PEX26: variants seen among roughly 807,000 people sequenced by gnomAD.
PEX26 encodes peroxisomal biogenesis factor 26.
A neutral mutation model predicts 31.4 loss-of-function variants in PEX26; 18 were observed. That is an observed-to-expected ratio of 0.57 (90% CI 0.40 to 0.85). The LOEUF (loss-of-function observed/expected upper bound fraction) is 0.85. Among genes scored for constraint, PEX26 ranks in the 40% least tolerant of loss-of-function variants. The pLI is 0.00. For synonymous variants in PEX26, 176 were observed against 166.9 expected, an observed-to-expected ratio of 1.05 and a Z score of -0.42; for missense variants, 377 against 383.9, an observed-to-expected ratio of 0.98 and a Z score of 0.15.
Position 18,105,027 on chromosome 22 carries a change from T to A in PEX26, c.*16952T>A, listed in dbSNP as rs1378546195. 4 of 152,320 alleles carry A rather than the reference T, an allele frequency of 2.6e-5. No homozygotes were observed. Among genetic ancestry groups the A allele is most frequent in the African/African-American group, 7.2e-5 (3 of 41,586 alleles). 9.4% of individuals were successfully genotyped at this position (152,320 alleles called of 1,614,324 possible). A position where few individuals can be genotyped will look rare whatever the true frequency, so the allele number is the denominator to read the frequency against. Reference sequence around the variant, plus strand: ...ATCTAGATAATCTAATGGTAAGATATCGTTTGCTCTCTGGACTTCATGGGC... The same window carrying A: ...ATCTAGATAATCTAATGGTAAGATAACGTTTGCTCTCTGGACTTCATGGGC... On this transcript the variant is annotated 3_prime_UTR_variant, in exon 5 of 5. Coordinates refer to ENST00000399744, the MANE Select transcript of PEX26 (RefSeq NM_001127649.3).
chr22:18,085,336 G>A, intron 4 of PEX26, 78 bp downstream of exon 4: 1 of 1,448,886 alleles, frequency 6.9e-7, no homozygotes. Flanking sequence ...GTGGGTGTTT[G>A]TCAGAGTCCT....
rs765617206 is a variant in PEX26, at chr22:18,079,938, T to A, written c.295T>A (p.Trp99Arg). ...GIQALAEMDR[W>R]QEVLSWVLQY... is the part of the protein sequence containing the mutation. ...CCAGGCCCTGGCAGAAATGGATCGG[T>A]GGCAAGAAGTCCTCTCCTGGGTCCT... The change falls in exon 2 of 5, where the codon TGG becomes AGG. Residue 99 changes from tryptophan to arginine, a missense_variant. Transcript: ENST00000399744. 2.5e-6 allele frequency: 4 copies of A among 1,613,994 alleles called. No homozygotes were observed. In the African/African-American group the frequency reaches 4.0e-5, roughly 16 times the overall value.
Position 18,088,288 on chromosome 22 carries a change from A to T in PEX26, c.*213A>T. ...TGGAAACAAAGCAGGACCAGCAGGC[A>T]CAGCACCTCCAGAACAGTGCCCCGG... On this transcript the variant is annotated 3_prime_UTR_variant, in exon 5 of 5. Transcript: ENST00000399744. The surrounding 1 kb of genome is among the most constrained non-coding windows in gnomAD (Gnocchi z 4.1). The T allele has an allele frequency of 1.5e-6, 1 of 682,844 alleles. No individual in the cohort carries two copies. Among genetic ancestry groups the T allele is most frequent in the East Asian group, 2.8e-5 (1 of 36,158 alleles). The allele number at this position is 682,844 out of a possible 1,614,324, so 42.3% of individuals were successfully genotyped here.
rs1250803918 is a variant in PEX26, at chr22:18,094,125, A to T, written c.*6050A>T. 1 of 152,228 alleles carries T rather than the reference A, an allele frequency of 6.6e-6. No individual in the cohort carries two copies. The highest frequency in any genetic ancestry group is 1.5e-5 in the Non-Finnish European group (1 of 68,048). 9.4% of individuals were successfully genotyped at this position (152,228 alleles called of 1,614,324 possible). A position where few individuals can be genotyped will look rare whatever the true frequency, so the allele number is the denominator to read the frequency against. ...AGCATCCTCTTGTCACTTTTGTACT[A>T]TCCAAGGTGGGACGGACAGGTGTCA... On this transcript the variant is annotated 3_prime_UTR_variant, in exon 5 of 5. Transcript: ENST00000399744.
rs1374117479 is a variant in PEX26 at position 18,091,891 on chromosome 22, G to A, written c.*3816G>A. The A allele has an allele frequency of 1.3e-5, 2 of 152,304 alleles. No individual in the cohort carries two copies. The highest frequency in any genetic ancestry group is 2.9e-5 in the Non-Finnish European group (2 of 68,130). The allele number at this position is 152,304 out of a possible 1,614,324, so 9.4% of individuals were successfully genotyped here. A position where few individuals can be genotyped will look rare whatever the true frequency, so the allele number is the denominator to read the frequency against. On this transcript the variant is annotated 3_prime_UTR_variant, in exon 5 of 5. Coordinates refer to ENST00000399744, the MANE Select transcript of PEX26 (RefSeq NM_001127649.3). The stretch of plus-strand genomic sequence containing the variant: ...TTTTGGGCAAACGCAAGCCAGGCTG[G>A]CAACCACCACTGCCGCCGAGGGGAG...
In PEX26 at chr22:18,099,982, T is replaced by G. The variant is rs926397970; in HGVS notation, c.*11907T>G. 1.3e-5 allele frequency: 2 copies of G among 152,216 alleles called. No homozygotes were observed. Among genetic ancestry groups the G allele is most frequent in the Admixed American group, 1.3e-4 (2 of 15,276 alleles). 9.4% of individuals were successfully genotyped at this position (152,216 alleles called of 1,614,324 possible). On this transcript the variant is annotated 3_prime_UTR_variant, in exon 5 of 5. Coordinates refer to ENST00000399744, the MANE Select transcript of PEX26 (RefSeq NM_001127649.3). ...CATTCTGAGATTTTAGGCAAACATA[T>G]CTTTGGGGGGCCAAAATTCAATCCC...
In PEX26 at chr22:18,088,087, C is replaced by T; in HGVS notation, c.*12C>T. 2 of 1,540,548 alleles carry T rather than the reference C, an allele frequency of 1.3e-6. No homozygotes were observed. Among genetic ancestry groups the T allele is most frequent in the Non-Finnish European group, 1.8e-6 (2 of 1,114,796 alleles). On this transcript the variant is annotated 3_prime_UTR_variant, in exon 5 of 5. Transcript: ENST00000399744. This position sits in a 1 kb window ranked among gnomAD's most constrained non-coding sequence, Gnocchi z 4.1. Reference sequence around the variant, plus strand: ...GCATCCGTGACTGAGGGTCCCTGCGCACCACAGCCTCTCTGCTCCTCACGT... The same window carrying T: ...GCATCCGTGACTGAGGGTCCCTGCGTACCACAGCCTCTCTGCTCCTCACGT...
At chr22:18,079,723 G>T in intron 1 of PEX26, 151 bp from the exon 2 acceptor site, 1 of 895,412 alleles carries the variant, frequency 1.1e-6, no homozygotes, top group East Asian at 2.4e-5. Context: ...CAGCCCATGA[G>T]ACCAATTGTG....
Position 18,088,048 on chromosome 22 carries a change from C to T in PEX26, c.891C>T (p.Arg297=). Residue 297 remains arginine, a synonymous_variant, in exon 5 of 5, where the codon CGC becomes CGT. Coordinates refer to ENST00000399744, the MANE Select transcript of PEX26 (RefSeq NM_001127649.3). This position sits in a 1 kb window ranked among gnomAD's most constrained non-coding sequence, Gnocchi z 4.1. The part of the protein sequence containing the change: ...FRWIRKAAFS[R]LYQLRIRD ...GGATCCGGAAGGCTGCATTTTCTCG[C>T]CTCTACCAGCTCCGCATCCGTGACT... 6.2e-7 allele frequency: 1 copy of T among 1,612,690 alleles called. No individual in the cohort carries two copies. The highest frequency in any genetic ancestry group is 8.5e-7 in the Non-Finnish European group (1 of 1,179,176).
rs564557703 is a variant in PEX26, at chr22:18,078,001, G to C, written c.-376G>C. 2.2e-6 allele frequency: 1 copy of C among 446,798 alleles called. No homozygotes were observed. The highest frequency in any genetic ancestry group is 1.6e-5 in the South Asian group (1 of 61,100). 27.7% of individuals were successfully genotyped at this position (446,798 alleles called of 1,614,324 possible). The stretch of plus-strand genomic sequence containing the variant: ...GCCGCCGGGACGCCGCGCGGCTGCG[G>C]GGCTGGGCGAGCGCAAAGATGTCCG... On this transcript the variant is annotated 5_prime_UTR_variant, in exon 1 of 5. Coordinates refer to ENST00000399744, the MANE Select transcript of PEX26 (RefSeq NM_001127649.3).
At chr22:18,085,384 A>T in intron 4 of PEX26, 126 bp downstream of exon 4, 2 of 988,322 alleles carry the variant, frequency 2.0e-6, no homozygotes, top group South Asian at 2.7e-5. Context: ...ATTTCCCCTG[A>T]GTCTGTTCCA....
chr22:18,084,309 A>G (rs1360237801), intron 3 of PEX26, among the ~76,000 whole-genome samples: 1 of 139,656 alleles, frequency 7.2e-6, no homozygotes, highest in African/African-American at 2.7e-5. Context: ...CAGTGATGCG[A>G]TCTCCGCTCA....
chr22:18,079,060 A>G (rs1926439068), intron 1 of PEX26: 1 of 192,610 alleles, frequency 5.2e-6, no homozygotes, highest in African/African-American at 2.4e-5. Context: ...CAGGGCCGGG[A>G]GCTGGGGCTT....
At position 18,090,223 on chromosome 22, in the gene PEX26, A is replaced by G. The variant is rs1414649643; in HGVS notation, c.*2148A>G. On this transcript the variant is annotated 3_prime_UTR_variant, in exon 5 of 5. Coordinates refer to ENST00000399744, the MANE Select transcript of PEX26 (RefSeq NM_001127649.3). Reference sequence around the variant, plus strand: ...AATGAAAATCTGGGCCCACTTAACTACCCTAGATAAAACGCTTCAATGGCT... The same window carrying G: ...AATGAAAATCTGGGCCCACTTAACTGCCCTAGATAAAACGCTTCAATGGCT... 2.0e-5 allele frequency: 3 copies of G among 152,192 alleles called. No individual in the cohort carries two copies. The highest frequency in any genetic ancestry group is 4.1e-4 in the South Asian group (2 of 4,832). 9.4% of individuals were successfully genotyped at this position (152,192 alleles called of 1,614,324 possible). A position where few individuals can be genotyped will look rare whatever the true frequency, so the allele number is the denominator to read the frequency against.
chr22:18,083,729 G>A lies in PEX26; in HGVS notation c.664G>A (p.Glu222Lys). The A allele has an allele frequency of 1.2e-6, 2 of 1,613,842 alleles. No individual in the cohort carries two copies. Among genetic ancestry groups the A allele is most frequent in the Non-Finnish European group, 1.7e-6 (2 of 1,180,008 alleles). Residue 222 changes from glutamate (E) to lysine (K), a missense_variant, in exon 3 of 5, where the codon GAA (glutamate) becomes AAA (lysine). By Grantham distance (56) the Glu-to-Lys change is moderately conservative (BLOSUM62 1). Coordinates refer to ENST00000399744, the MANE Select transcript of PEX26 (RefSeq NM_001127649.3). ...TGAGGAGGCCCAGAAGCCAAACCTG[G>A]AAGGTAGGACATTATCCCTCTGCGA... ...GSEEAQKPNLEGSVSHKFLSL... is the reference protein window; with the variant it reads ...GSEEAQKPNLKGSVSHKFLSL...
rs923771910 is a variant in PEX26, at chr22:18,093,571, A to C, written c.*5496A>C. 1.3e-5 allele frequency: 2 copies of C among 151,362 alleles called. No individual in the cohort carries two copies. The highest frequency in any genetic ancestry group is 2.4e-5 in the African/African-American group (1 of 41,038). 9.4% of individuals were successfully genotyped at this position (151,362 alleles called of 1,614,324 possible). A position where few individuals can be genotyped will look rare whatever the true frequency, so the allele number is the denominator to read the frequency against. ...GAGCAAGACTCCGTCTTAAAAAAAAAAAAAACAAAAATAAACCTTTTAAAT... is the reference window on the plus strand; with the variant it reads ...GAGCAAGACTCCGTCTTAAAAAAAACAAAAACAAAAATAAACCTTTTAAAT... On this transcript the variant is annotated 3_prime_UTR_variant, in exon 5 of 5. Coordinates refer to ENST00000399744, the MANE Select transcript of PEX26 (RefSeq NM_001127649.3).
intron 2 of PEX26, among the ~76,000 whole-genome samples, chr22:18,081,260 A>ATATATATATATATATATATG (rs1926586955): frequency 6.7e-6 from 1 of 149,676 alleles, no homozygotes; most frequent in Admixed American, 6.6e-5. Flanking sequence ...ACACACACAC[A>ATATATATATATATATATATG]CACACACACA....
intron 1 of PEX26, 108 bp from the exon 2 acceptor site, chr22:18,079,766 G>C: frequency 8.0e-7 from 1 of 1,254,530 alleles, no homozygotes. Context: ...GGATGAGAGA[G>C]ATGATGGCTG....
chr22:18,078,294 A>G lies in PEX26; in HGVS notation c.-83A>G. On this transcript the variant is annotated 5_prime_UTR_variant, in exon 1 of 5. Coordinates refer to ENST00000399744, the MANE Select transcript of PEX26 (RefSeq NM_001127649.3). ...AGATGAGGACTCTCCCTCTTCGCCCAGGCCAACTCGGGATATCCCGGAGCC... is the reference window on the plus strand; with the variant it reads ...AGATGAGGACTCTCCCTCTTCGCCCGGGCCAACTCGGGATATCCCGGAGCC... 1 of 997,410 alleles carries G rather than the reference A, an allele frequency of 1.0e-6. No individual in the cohort carries two copies. The allele number at this position is 997,410 out of a possible 1,614,324, so 61.8% of individuals were successfully genotyped here.
Sources: allele counts gnomAD v4.1 joint callset (sites outside exome capture counted in the v4.1 genomes callset), GRCh38; gene constraint gnomAD v4.1.1; non-coding constraint Gnocchi (gnomAD v3.1); transcripts MANE v1.5; gene names NCBI Gene and HGNC (gene_info 2026-07-23, HGNC 2026-07-21).